The following LRRC7 variants were observed in gnomAD, a reference collection of about 807,000 sequenced individuals.
The protein encoded by LRRC7 is leucine-rich repeat-containing protein 7.
A neutral mutation model predicts 175.7 loss-of-function variants in LRRC7; 23 were observed. The observed-to-expected ratio is 0.13, with a 90% CI of 0.09 to 0.19. LRRC7 has a LOEUF of 0.19. Among genes scored for constraint, LRRC7 ranks in the 10% least tolerant of loss-of-function variants. The pLI, the probability that LRRC7 is intolerant of heterozygous loss-of-function variation, is 1.00. For synonymous variants in LRRC7, 685 were observed against 680.9 expected (o/e 1.01, Z -0.09); for missense variants, 1,354 against 1,904.7 (o/e 0.71, Z 5.38).
At chr1:69,684,609 A>G (rs1160178477) in intron 2 of LRRC7, among the ~76,000 whole-genome samples, 1 of 152,186 alleles carries the variant, frequency 6.6e-6, no homozygotes, top group Admixed American at 6.5e-5. Flanking sequence ...GAAGAAGGCA[A>G]ACTGACTAGG....
At chr1:69,770,344 T>A (rs1303912359) in intron 3 of LRRC7, among the ~76,000 whole-genome samples, 1 of 152,230 alleles carries the variant, frequency 6.6e-6, no homozygotes, top group East Asian at 1.9e-4. Context: ...TTCAAGGCCA[T>A]GTTTTTCTTA....
intron 2 of LRRC7, among the ~76,000 whole-genome samples, chr1:69,713,226 C>T (rs1664978194): frequency 6.6e-6 from 1 of 151,988 alleles, no homozygotes; most frequent in South Asian, 2.1e-4. Flanking sequence ...TGGTTCATAC[C>T]TGTAATCCCA....
intron 22 of LRRC7, among the ~76,000 whole-genome samples, chr1:70,050,836 G>C (rs1207835942): frequency 6.6e-6 from 1 of 151,930 alleles, no homozygotes; most frequent in Non-Finnish European, 1.5e-5. Flanking sequence ...TGTTTTTAAT[G>C]ATCTTTCTAT....
chr1:69,919,912 C>CT, intron 7 of LRRC7: 1 of 665,344 alleles, frequency 1.5e-6, no homozygotes, highest in South Asian at 1.6e-5. Flanking sequence ...CCCCCACTCC[C>CT]TGCCACTGTC....
intron 2 of LRRC7, among the ~76,000 whole-genome samples, chr1:69,757,177 T>G (rs537882488): frequency 1.3e-3 from 205 of 152,066 alleles, no homozygotes; most frequent in African/African-American, 4.7e-3. Context: ...TCCTAATTAA[T>G]AGAGCATGAG....
chr1:69,759,665 T>TA (rs1042847125), intron 2 of LRRC7, among the ~76,000 whole-genome samples: 6 of 152,050 alleles, frequency 3.9e-5, no homozygotes, highest in Non-Finnish European at 7.4e-5. Flanking sequence ...GAACAGTGCC[T>TA]AAAACAGCTG....
chr1:69,657,111 T>C (rs932475506), intron 1 of LRRC7, among the ~76,000 whole-genome samples: 1 of 151,426 alleles, frequency 6.6e-6, no homozygotes, highest in Non-Finnish European at 1.5e-5. Flanking sequence ...ACTTATATTG[T>C]GTGTGTGTGT....
intron 7 of LRRC7, chr1:69,919,895 G>A: frequency 1.5e-6 from 1 of 663,324 alleles, no homozygotes; most frequent in Non-Finnish European, 2.8e-6. Flanking sequence ...CTGGCCAGTG[G>A]CCGAACCCCC....
intron 11 of LRRC7, among the ~76,000 whole-genome samples, chr1:69,995,862 ATACG>A (rs1334817021): frequency 6.6e-6 from 1 of 151,282 alleles, no homozygotes; most frequent in Non-Finnish European, 1.5e-5. Flanking sequence ...CGCAATAAAC[ATACG>A]TGTGCATGTG....
chr1:69,673,439 T>C (rs1165339952), intron 1 of LRRC7, among the ~76,000 whole-genome samples: 1 of 152,220 alleles, frequency 6.6e-6, no homozygotes, highest in African/African-American at 2.4e-5. Context: ...GTCTCACCTG[T>C]GGTCATTACA....
chr1:69,577,752 T>C (rs921795790), intron 1 of LRRC7, among the ~76,000 whole-genome samples: 3 of 152,032 alleles, frequency 2.0e-5, no homozygotes, highest in African/African-American at 7.2e-5. Flanking sequence ...TCTGTTTTGG[T>C]ACCAATGCCA....
chr1:69,866,259 C>T (rs755512253), intron 7 of LRRC7, among the ~76,000 whole-genome samples: 1 of 152,174 alleles, frequency 6.6e-6, no homozygotes, highest in Non-Finnish European at 1.5e-5. Context: ...CTTCTCCTTA[C>T]TTTATCTCCA....
chr1:70,121,104 G>T (rs941112458), intron 26 of LRRC7, among the ~76,000 whole-genome samples: 2 of 151,868 alleles, frequency 1.3e-5, no homozygotes, highest in African/African-American at 2.4e-5. Flanking sequence ...AATATCAATT[G>T]CTTATATCAA....
At chr1:69,791,908 T>C in intron 3 of LRRC7, 135 bp from the exon 4 acceptor site, 1 of 579,224 alleles carries the variant, frequency 1.7e-6, no homozygotes, top group East Asian at 2.9e-5. Flanking sequence ...AAGATGAGTA[T>C]GGAGGGAAGT....
At chr1:69,707,477 C>A (rs192367486) in intron 2 of LRRC7, among the ~76,000 whole-genome samples, 1 of 152,052 alleles carries the variant, frequency 6.6e-6, no homozygotes, top group African/African-American at 2.4e-5. Flanking sequence ...CCTTTCCTTC[C>A]CTGTTTTATT....
intron 7 of LRRC7, among the ~76,000 whole-genome samples, chr1:69,885,082 T>G (rs1253983750): frequency 5.0e-4 from 54 of 107,730 alleles, no homozygotes; most frequent in Middle Eastern, 4.0e-3. Flanking sequence ...ATTCTCTTTT[T>G]TGGTTGTGTC....
At chr1:69,670,595 G>A (rs1233672932) in intron 1 of LRRC7, among the ~76,000 whole-genome samples, 1 of 152,158 alleles carries the variant, frequency 6.6e-6, no homozygotes, top group Non-Finnish European at 1.5e-5. Context: ...TCCCTTCATG[G>A]TGGCAAGTTC....
At chr1:70,082,910 C>T (rs1358964097) in intron 24 of LRRC7, among the ~76,000 whole-genome samples, 1 of 149,952 alleles carries the variant, frequency 6.7e-6, no homozygotes, top group Non-Finnish European at 1.5e-5. Flanking sequence ...CTCAGCCTCC[C>T]GAGTAGCTGG....
In LRRC7 at chr1:70,142,891, A is replaced by ATGTT. The variant is rs1667122243; in HGVS notation, c.*21006_*21009dup. ...TATATGTAAAAGGATACTAGATATT[A>ATGTT]TGTTTTGGATGTTTTCTAAGTATCT... On this transcript the variant is annotated 3_prime_UTR_variant, in exon 27 of 27. Transcript: ENST00000651989. The ATGTT allele has an allele frequency of 6.6e-6, 1 of 152,008 alleles. No individual in the cohort carries two copies. The highest frequency in any genetic ancestry group is 1.5e-5 in the Non-Finnish European group (1 of 67,942). 9.4% of individuals were successfully genotyped at this position (152,008 alleles called of 1,614,324 possible).
Sources: allele counts gnomAD v4.1 joint callset (sites outside exome capture counted in the v4.1 genomes callset), GRCh38; gene constraint gnomAD v4.1.1; transcripts MANE v1.5; gene names NCBI Gene and HGNC (gene_info 2026-07-23, HGNC 2026-07-21).